The following ALDH2 variants were observed in gnomAD, a reference collection of about 807,000 sequenced individuals.
ALDH2 encodes the protein aldehyde dehydrogenase 2 family member, also known as aldehyde dehydrogenase, mitochondrial.
Under a neutral mutation model 59.6 loss-of-function variants are expected in ALDH2, and 44 were observed. That is an observed-to-expected ratio of 0.74 (90% confidence interval 0.58 to 0.95). The LOEUF (loss-of-function observed/expected upper bound fraction) is 0.95, where lower values mean the gene tolerates loss of function less well. ALDH2 is among the 40% of genes least tolerant of loss of function. The pLI is 0.00. For missense variants in ALDH2, 570 were observed against 696.3 expected, an observed-to-expected ratio of 0.82 and a Z score of 2.04; for synonymous variants, 291 against 284.0, an observed-to-expected ratio of 1.02 and a Z score of -0.25.
Position 111,812,572 on chromosome 12 carries a change from G to A in ALDH2, c.*2997G>A, listed in dbSNP as rs1448341177. The A allele has an allele frequency of 2.0e-5, 3 of 152,086 alleles. No individual in the cohort carries two copies. Among genetic ancestry groups the A allele is most frequent in the African/African-American group, 7.2e-5 (3 of 41,396 alleles). 9.4% of individuals were successfully genotyped at this position (152,086 alleles called of 1,614,324 possible). ...TAGGAAGATTTTCTATGTATGGAGG[G>A]TGCATCATTTAAGAGTATTTTAGGC... On this transcript the variant is annotated 3_prime_UTR_variant, in exon 13 of 13. Transcript: ENST00000261733.
intron 4 of ALDH2, among the ~76,000 whole-genome samples, chr12:111,788,379 A>T (rs934452509): frequency 6.6e-6 from 1 of 152,188 alleles, no homozygotes; most frequent in Non-Finnish European, 1.5e-5. Context: ...GAGGTCAGAG[A>T]TGCTGCTCAA....
intron 8 of ALDH2, 42 bp from the exon 9 acceptor site, chr12:111,792,556 C>T: frequency 6.3e-7 from 1 of 1,590,084 alleles, no homozygotes; most frequent in South Asian, 1.1e-5. Context: ...CAGGGTCCTC[C>T]TCCTCACTGT....
intron 1 of ALDH2, among the ~76,000 whole-genome samples, chr12:111,780,058 ATT>A (rs1343537381): frequency 3.3e-5 from 5 of 151,808 alleles, no homozygotes; most frequent in Admixed American, 2.0e-4. Flanking sequence ...CACCTGGCTA[ATT>A]TTTTGTATTT....
At chr12:111,770,083 G>T (rs1024598259) in intron 1 of ALDH2, among the ~76,000 whole-genome samples, 17 of 151,506 alleles carry the variant, frequency 1.1e-4, no homozygotes, top group African/African-American at 4.1e-4. Flanking sequence ...GGCAGAGGTT[G>T]CAGTGAGCCG....
At position 111,812,417 on chromosome 12, in the gene ALDH2, A is replaced by T. The variant is rs2068542441; in HGVS notation, c.*2842A>T. On this transcript the variant is annotated 3_prime_UTR_variant, in exon 13 of 13. Transcript: ENST00000261733. The stretch of plus-strand genomic sequence containing the variant: ...GATGGCTTGCCGCCCACAGCCAACA[A>T]TGTGTTTTCAATATGCTCCCCAAAC... 6.6e-6 allele frequency: 1 copy of T among 152,114 alleles called. No individual in the cohort carries two copies. Among genetic ancestry groups the T allele is most frequent in the African/African-American group, 2.4e-5 (1 of 41,396 alleles). The allele number at this position is 152,114 out of a possible 1,614,324, so 9.4% of individuals were successfully genotyped here.
At chr12:111,795,834 G>A (rs934616313) in intron 9 of ALDH2, among the ~76,000 whole-genome samples, 3 of 150,434 alleles carry the variant, frequency 2.0e-5, no homozygotes, top group Non-Finnish European at 4.4e-5. Context: ...CTTGTGATCC[G>A]CCCACCTCAG....
chr12:111,800,334 G>A (rs2068441351), intron 11 of ALDH2, among the ~76,000 whole-genome samples: 1 of 152,258 alleles, frequency 6.6e-6, no homozygotes, highest in African/African-American at 2.4e-5. Context: ...AGAGCAGAGG[G>A]ACCCATGATT....
At chr12:111,795,034 G>A (rs939421109) in intron 9 of ALDH2, among the ~76,000 whole-genome samples, 1 of 151,888 alleles carries the variant, frequency 6.6e-6, no homozygotes, top group Non-Finnish European at 1.5e-5. Context: ...TCTATGTTCT[G>A]CCTATAGATT....
At chr12:111,781,045 G>A (rs1593073091) in intron 1 of ALDH2, among the ~76,000 whole-genome samples, 1 of 152,012 alleles carries the variant, frequency 6.6e-6, no homozygotes, top group African/African-American at 2.4e-5. Context: ...AGAGGAAGAG[G>A]CTACAGGGAG....
chr12:111,771,131 C>A (rs922810192), intron 1 of ALDH2, among the ~76,000 whole-genome samples: 1 of 152,008 alleles, frequency 6.6e-6, no homozygotes, highest in Non-Finnish European at 1.5e-5. Context: ...TGTGGTGGCT[C>A]ACAGCTGTAA....
At chr12:111,797,988 GT>G in intron 9 of ALDH2, 89 bp from the exon 10 acceptor site, 2 of 1,495,820 alleles carry the variant, frequency 1.3e-6, no homozygotes, top group Non-Finnish European at 1.8e-6. Context: ...CCATTTCCCA[GT>G]TGTCTTGTTG....
At chr12:111,771,409 A>G (rs2068198978) in intron 1 of ALDH2, among the ~76,000 whole-genome samples, 1 of 152,150 alleles carries the variant, frequency 6.6e-6, no homozygotes, top group Admixed American at 6.5e-5. Flanking sequence ...CCATACAGAA[A>G]TGTTCATTGC....
rs2068174030 is a variant in ALDH2, at chr12:111,768,296, T to C, written c.114+1200T>C. On this transcript the variant is annotated intron_variant, in intron 1 of 12. Transcript: ENST00000261733. ...TTGCTGATTTGGGATGCTGTAGAGC[T>C]GGCTCCTAGCCAGCTGCTTTCAACA... is the stretch of plus-strand genomic sequence containing the variant. Among the ~76,000 whole-genome samples the C allele has an allele frequency of 2.0e-5, 3 of 152,264 alleles. No individual in the cohort carries two copies. The South Asian group carries it at 6.2e-4, about 32-fold the overall frequency.
chr12:111,809,560 T>G lies in ALDH2; in HGVS notation c.1539T>G (p.Pro513=), dbSNP rs2068521139. The G allele has an allele frequency of 1.9e-6, 3 of 1,614,098 alleles. No individual in the cohort carries two copies. The highest frequency in any genetic ancestry group is 8.5e-7 in the Non-Finnish European group (1 of 1,180,038). The change falls in exon 13 of 13, where the codon CCT becomes CCG. Residue 513 remains proline (P), a synonymous_variant. Transcript: ENST00000261733. ...TEVKTVTVKV[P]QKNS Reference sequence around the variant, plus strand: ...CCTTACAGGTCACAGTCAAAGTGCCTCAGAAGAACTCATAAGAATCATGCA... The same window carrying G: ...CCTTACAGGTCACAGTCAAAGTGCCGCAGAAGAACTCATAAGAATCATGCA...
chr12:111,783,788 G>A (rs574122141), intron 3 of ALDH2, among the ~76,000 whole-genome samples: 1 of 152,310 alleles, frequency 6.6e-6, no homozygotes, highest in African/African-American at 2.4e-5. Context: ...GGGATTACAG[G>A]CGTGAGCCAC....
rs1014982479 is a variant in ALDH2 at position 111,813,309 on chromosome 12, C to T, written c.*3734C>T. The T allele has an allele frequency of 2.6e-5, 4 of 152,134 alleles. No individual in the cohort carries two copies. The highest frequency in any genetic ancestry group is 9.7e-5 in the African/African-American group (4 of 41,418). 9.4% of individuals were successfully genotyped at this position (152,134 alleles called of 1,614,324 possible). A position where few individuals can be genotyped will look rare whatever the true frequency, so the allele number is the denominator to read the frequency against. On this transcript the variant is annotated 3_prime_UTR_variant, in exon 13 of 13. Transcript: ENST00000261733. ...CCCGGAGAAGCTTCCTAAGTGTGGGCGCCACCTTGTGGGACATACATTGAA... is the reference window on the plus strand; with the variant it reads ...CCCGGAGAAGCTTCCTAAGTGTGGGTGCCACCTTGTGGGACATACATTGAA...
In ALDH2 at chr12:111,789,805, A is replaced by C. The variant is rs1327236925; in HGVS notation, c.441-18A>C. 6.2e-7 allele frequency: 1 copy of C among 1,605,830 alleles called. No individual in the cohort carries two copies. The highest frequency in any genetic ancestry group is 1.1e-5 in the South Asian group (1 of 90,650). On this transcript the variant is annotated intron_variant, in intron 4 of 12. Coordinates refer to ENST00000261733, the MANE Select transcript of ALDH2 (RefSeq NM_000690.4). The stretch of plus-strand genomic sequence containing the variant: ...CTGACAATCATTGATTCGAGCTTGA[A>C]CGTTTCTTTGTTTAAAGGTATTATG...
At chr12:111,803,827 A>G in intron 11 of ALDH2, 32 bp from the exon 12 acceptor site, 1 of 1,533,346 alleles carries the variant, frequency 6.5e-7, no homozygotes, top group Non-Finnish European at 8.9e-7. Context: ...AACCCCCAAG[A>G]GTGATTTCTG....
chr12:111,792,939 C>A (rs912674968), intron 9 of ALDH2, among the ~76,000 whole-genome samples, 157 bp downstream of exon 9: 2 of 152,070 alleles, frequency 1.3e-5, no homozygotes, highest in Non-Finnish European at 2.9e-5. Context: ...CCTCAGCCTT[C>A]ATTTCCCCAT....
Sources: allele counts gnomAD v4.1 joint callset (sites outside exome capture counted in the v4.1 genomes callset), GRCh38; gene constraint gnomAD v4.1.1; transcripts MANE v1.5; gene names NCBI Gene and HGNC (gene_info 2026-07-23, HGNC 2026-07-21).